The following ADGRL2 variants were observed in gnomAD, a reference collection of about 807,000 sequenced individuals.
ADGRL2 encodes calcium-independent alpha-latrotoxin receptor 2.
A neutral mutation model predicts 157.4 loss-of-function variants in ADGRL2; 44 were observed. That is an observed-to-expected ratio of 0.28 (90% CI 0.22 to 0.36). The LOEUF is 0.36. ADGRL2 is among the 10% of genes least tolerant of loss of function. The pLI, the probability that ADGRL2 is intolerant of heterozygous loss-of-function variation, is 1.00. For missense variants in ADGRL2, 1,510 were observed against 1,768.9 expected (o/e 0.85, Z 2.63); for synonymous variants, 585 against 624.7 (o/e 0.94, Z 0.95).
chr1:81,945,501 T>C (rs1649520466), intron 6 of ADGRL2, among the ~76,000 whole-genome samples: 2 of 152,094 alleles, frequency 1.3e-5, no homozygotes, highest in Admixed American at 1.3e-4. Flanking sequence ...TGAGTATAAT[T>C]CAGTTCAACA....
At chr1:81,967,223 G>T (rs1426786614) in intron 13 of ADGRL2, among the ~76,000 whole-genome samples, 1 of 151,156 alleles carries the variant, frequency 6.6e-6, no homozygotes, top group East Asian at 2.0e-4. Flanking sequence ...AAATAAATTT[G>T]TGTGGTTATG....
chr1:81,471,951 A>G (rs562624008), intron 2 of ADGRL2, among the ~76,000 whole-genome samples: 1 of 152,318 alleles, frequency 6.6e-6, no homozygotes, highest in African/African-American at 2.4e-5. Context: ...ACCAAAAATC[A>G]GCTTTAGGAA....
chr1:81,514,763 T>G (rs1298862732), intron 2 of ADGRL2: 1 of 152,220 alleles, frequency 6.6e-6, no homozygotes, highest in African/African-American at 2.4e-5. Context: ...CCCAAAATAT[T>G]ACATTTGAGT....
chr1:81,971,024 G>GT (rs1437324806), intron 16 of ADGRL2, among the ~76,000 whole-genome samples: 2 of 152,076 alleles, frequency 1.3e-5, no homozygotes, highest in African/African-American at 4.8e-5. Flanking sequence ...ATAAGTCACT[G>GT]TCTTTCGTTC....
chr1:81,467,424 G>A (rs1456643581), intron 2 of ADGRL2, among the ~76,000 whole-genome samples: 1 of 152,126 alleles, frequency 6.6e-6, no homozygotes, highest in Non-Finnish European at 1.5e-5. Context: ...AAAAATAAAT[G>A]CTACTGCTAT....
intron 2 of ADGRL2, among the ~76,000 whole-genome samples, chr1:81,903,684 ATTTG>A (rs1452485225): frequency 6.7e-6 from 1 of 148,162 alleles, no homozygotes; most frequent in Non-Finnish European, 1.5e-5. Flanking sequence ...CTCTCTTCAT[ATTTG>A]TTTTTTAAAG....
Position 81,830,179 on chromosome 1 carries a change from T to C in ADGRL2, c.-100-6706T>C, listed in dbSNP as rs1490466677. On this transcript the variant is annotated intron_variant, in intron 1 of 23. Transcript: ENST00000686636. Reference sequence around the variant, plus strand: ...AGCTATATCTTAATCTGTTTTATAATGCCTTTAGAACCTAACACAGGACCA... The same window carrying C: ...AGCTATATCTTAATCTGTTTTATAACGCCTTTAGAACCTAACACAGGACCA... Among the ~76,000 whole-genome samples, 3 of 152,182 alleles carry C rather than the reference T, an allele frequency of 2.0e-5. No homozygotes were observed. In the East Asian group the frequency reaches 5.8e-4, roughly 29 times the overall value.
intron 1 of ADGRL2, among the ~76,000 whole-genome samples, chr1:81,723,685 A>G (rs1454947583): frequency 6.6e-6 from 1 of 152,190 alleles, no homozygotes; most frequent in Admixed American, 6.5e-5. Flanking sequence ...TTTCAATAAA[A>G]CTAACTGGGA....
At chr1:81,356,918 A>T (rs1472629989) in intron 1 of ADGRL2, among the ~76,000 whole-genome samples, 1 of 123,118 alleles carries the variant, frequency 8.1e-6, no homozygotes, top group East Asian at 3.1e-4. Flanking sequence ...GCGCCACTGC[A>T]CTCCAGCCTG....
chr1:81,447,193 C>T (rs2077613239), intron 2 of ADGRL2, among the ~76,000 whole-genome samples: 1 of 106,538 alleles, frequency 9.4e-6, no homozygotes. Context: ...TAATAGATAC[C>T]ATTCCCAGAT....
At chr1:81,602,897 C>CAA (rs35152437) in intron 3 of ADGRL2, among the ~76,000 whole-genome samples, 156 of 120,368 alleles carry the variant, frequency 1.3e-3, no homozygotes, top group Admixed American at 1.9e-3. Context: ...GACTCTGTCT[C>CAA]AAAAAAAAAA....
intron 1 of ADGRL2, among the ~76,000 whole-genome samples, chr1:81,309,671 T>C (rs1471584231): frequency 6.6e-6 from 1 of 152,190 alleles, no homozygotes; most frequent in East Asian, 1.9e-4. Flanking sequence ...AGTTGTTTCA[T>C]TTAACGTATG....
At chr1:81,881,138 A>G (rs2093976287) in intron 2 of ADGRL2, among the ~76,000 whole-genome samples, 1 of 152,090 alleles carries the variant, frequency 6.6e-6, no homozygotes, top group Non-Finnish European at 1.5e-5. Flanking sequence ...TTATATATAT[A>G]TATTTTTGGT....
chr1:81,562,147 T>A (rs80284740), intron 2 of ADGRL2, among the ~76,000 whole-genome samples: 2,983 of 152,174 alleles, frequency 0.02, 91 homozygotes, highest in African/African-American at 0.067. Flanking sequence ...ATTTTATAAA[T>A]AATAAATAGA....
At chr1:81,404,481 G>A (rs900792085) in intron 1 of ADGRL2, among the ~76,000 whole-genome samples, 1 of 151,960 alleles carries the variant, frequency 6.6e-6, no homozygotes, top group Non-Finnish European at 1.5e-5. Flanking sequence ...TTATATATGA[G>A]GACATGGAGG....
chr1:81,730,024 C>T (rs1296149072), intron 1 of ADGRL2, among the ~76,000 whole-genome samples: 1 of 152,140 alleles, frequency 6.6e-6, no homozygotes, highest in East Asian at 1.9e-4. Context: ...CTAAGACAGA[C>T]AAAGATGTCA....
intron 3 of ADGRL2, among the ~76,000 whole-genome samples, chr1:81,645,638 T>C (rs2082300904): frequency 6.6e-6 from 1 of 152,130 alleles, no homozygotes; most frequent in African/African-American, 2.4e-5. Flanking sequence ...TTTTTTTAAC[T>C]TCACAATAGT....
intron 1 of ADGRL2, among the ~76,000 whole-genome samples, chr1:81,359,609 A>G (rs2075940194): frequency 6.6e-6 from 1 of 152,062 alleles, no homozygotes; most frequent in South Asian, 2.1e-4. Flanking sequence ...TTACAATATG[A>G]TTAAGTTTTT....
chr1:81,603,150 A>G (rs1312782264), intron 3 of ADGRL2, among the ~76,000 whole-genome samples: 1 of 152,014 alleles, frequency 6.6e-6, no homozygotes, highest in East Asian at 1.9e-4. Flanking sequence ...TTGAATTTTC[A>G]TTAAAACATT....
Sources: gnomAD v4.1 joint callset for allele counts (sites outside exome capture counted in the v4.1 genomes callset) on GRCh38, gnomAD v4.1.1 for gene constraint, MANE v1.5 for transcripts, NCBI Gene and HGNC (gene_info 2026-07-23, HGNC 2026-07-21) for gene names.